The following DLC1 variants were observed in gnomAD, a reference collection of about 807,000 sequenced individuals.
The protein encoded by DLC1 is DLC1 Rho GTPase activating protein, also known as rho GTPase-activating protein 7.
Under a neutral mutation model 140.3 loss-of-function variants are expected in DLC1, and 54 were observed. That is an observed-to-expected ratio of 0.38 (90% CI 0.31 to 0.48). The LOEUF is 0.48. Ranked by LOEUF, DLC1 falls within the 20% of genes least tolerant of loss-of-function variation. The pLI, the probability that DLC1 is intolerant of heterozygous loss-of-function variation, is 0.96. For missense variants in DLC1, 2,536 were observed against 1,907.0 expected (o/e 1.33, Z -6.14); for synonymous variants, 986 against 728.1 (o/e 1.35, Z -5.70).
intron 5 of DLC1, among the ~76,000 whole-genome samples, chr8:13,283,909 G>C (rs1467494384): frequency 3.9e-5 from 6 of 152,186 alleles, no homozygotes; most frequent in Non-Finnish European, 7.3e-5. Flanking sequence ...GCAGAACAAA[G>C]AGTGAGATCT....
At chr8:13,128,708 T>A (rs1485155448) in intron 5 of DLC1, among the ~76,000 whole-genome samples, 1 of 151,860 alleles carries the variant, frequency 6.6e-6, no homozygotes, top group Non-Finnish European at 1.5e-5. Flanking sequence ...TGGCGGCGCC[T>A]ACTGTAGTCC....
chr8:13,348,106 CAAAT>C (rs71207144), intron 4 of DLC1, among the ~76,000 whole-genome samples: 81,836 of 151,298 alleles, frequency 0.54, 22,285 homozygotes, highest in Admixed American at 0.62. Context: ...AACAAACAAA[CAAAT>C]AAACAAACAA....
Position 13,099,752 on chromosome 8 carries a change from T to C in DLC1, c.2585A>G (p.Glu862Gly). 1 of 1,614,160 alleles carries C rather than the reference T, an allele frequency of 6.2e-7. No homozygotes were observed. Among genetic ancestry groups the C allele is most frequent in the Non-Finnish European group, 8.5e-7 (1 of 1,180,030 alleles). ...GCTGGAAGAATTGCGTCTCTTCAGT[T>C]CCTTGGGGCTGTCGCTACTGTTTTC... ...RRENSSDSPKELKRRNSSSSM... is the reference protein window; with the variant it reads ...RRENSSDSPKGLKRRNSSSSM... Residue 862 changes from glutamate (E) to glycine (G), a missense_variant, in exon 9 of 18, where the codon GAA becomes GGA. Transcript: ENST00000276297.
intron 10 of DLC1, among the ~76,000 whole-genome samples, chr8:13,097,448 G>C (rs1351779001): frequency 6.6e-6 from 1 of 152,004 alleles, no homozygotes; most frequent in Non-Finnish European, 1.5e-5. Context: ...ATTTTTAGTA[G>C]AGATGGGGTT....
At chr8:13,449,427 C>A (rs1003400633) in intron 2 of DLC1, among the ~76,000 whole-genome samples, 1 of 152,048 alleles carries the variant, frequency 6.6e-6, no homozygotes, top group African/African-American at 2.4e-5. Flanking sequence ...TTGTTTTAAC[C>A]CAGAAAGTGC....
intron 2 of DLC1, among the ~76,000 whole-genome samples, chr8:13,402,354 G>A (rs1837335078): frequency 6.6e-6 from 1 of 152,188 alleles, no homozygotes; most frequent in African/African-American, 2.4e-5. Context: ...ACTTGGGCAT[G>A]ACTCAACCAT....
intron 1 of DLC1, among the ~76,000 whole-genome samples, chr8:13,591,411 C>A (rs1296284166): frequency 2.6e-5 from 4 of 152,108 alleles, no homozygotes; most frequent in African/African-American, 4.8e-5. Flanking sequence ...TTACAAGCAT[C>A]TGGCATTTCC....
intron 2 of DLC1, among the ~76,000 whole-genome samples, chr8:13,475,386 T>G (rs557297574): frequency 6.6e-6 from 1 of 152,332 alleles, no homozygotes; most frequent in East Asian, 1.9e-4. Flanking sequence ...CTTCTGATTT[T>G]GAGGGCCCAG....
intron 5 of DLC1, among the ~76,000 whole-genome samples, chr8:13,196,129 C>T (rs1321511582): frequency 4.7e-5 from 7 of 149,902 alleles, no homozygotes; most frequent in African/African-American, 7.3e-5. Flanking sequence ...CACACACACA[C>T]GTGAACTCGA....
intron 5 of DLC1, among the ~76,000 whole-genome samples, chr8:13,122,583 A>G (rs1042707878): frequency 6.6e-6 from 1 of 152,216 alleles, no homozygotes; most frequent in African/African-American, 2.4e-5. Context: ...TTAAAAAACA[A>G]CCAACTGTTA....
chr8:13,604,448 C>G (rs940648940), intron 1 of DLC1: 5 of 152,114 alleles, frequency 3.3e-5, no homozygotes, highest in African/African-American at 1.2e-4. Flanking sequence ...TTTAGAAAGA[C>G]TTTAACATGC....
chr8:13,102,041 G>A (rs542967395), intron 8 of DLC1, among the ~76,000 whole-genome samples: 1 of 152,242 alleles, frequency 6.6e-6, no homozygotes, highest in Admixed American at 6.5e-5. Flanking sequence ...CAGTTCATTT[G>A]TTTAAAAGCT....
chr8:13,104,379 G>C (rs1345091261), intron 7 of DLC1, among the ~76,000 whole-genome samples: 1 of 148,428 alleles, frequency 6.7e-6, no homozygotes, highest in African/African-American at 2.4e-5. Context: ...AAACCTCATG[G>C]AGAAATAATG....
intron 4 of DLC1, among the ~76,000 whole-genome samples, chr8:13,311,241 C>CTTTT (rs1832653728): frequency 6.6e-6 from 1 of 152,128 alleles, no homozygotes; most frequent in Non-Finnish European, 1.5e-5. Context: ...TACTACAGGG[C>CTTTT]TTTTTGTGGC....
intron 2 of DLC1, among the ~76,000 whole-genome samples, chr8:13,466,278 G>A (rs180719712): frequency 5.9e-5 from 9 of 152,160 alleles, no homozygotes; most frequent in Admixed American, 1.3e-4. Flanking sequence ...TGTTCTGGAC[G>A]CAATACCCCC....
intron 5 of DLC1, among the ~76,000 whole-genome samples, chr8:13,197,755 G>T (rs1442536114): frequency 6.6e-6 from 1 of 152,030 alleles, no homozygotes; most frequent in African/African-American, 2.4e-5. Context: ...AGAAGGATTT[G>T]GCATAAAAAA....
chr8:13,599,968 A>G (rs1267472209), intron 1 of DLC1, among the ~76,000 whole-genome samples: 2 of 151,964 alleles, frequency 1.3e-5, no homozygotes, highest in African/African-American at 4.8e-5. Context: ...TAGCATCTTC[A>G]CCACCTTCAC....
At chr8:13,166,015 A>G (rs763743461) in intron 5 of DLC1, among the ~76,000 whole-genome samples, 3 of 152,176 alleles carry the variant, frequency 2.0e-5, no homozygotes, top group Non-Finnish European at 4.4e-5. Flanking sequence ...GGGACTGGAA[A>G]GAGGTTGTAT....
intron 1 of DLC1, among the ~76,000 whole-genome samples, chr8:13,523,544 A>C (rs1040709041): frequency 6.6e-6 from 1 of 152,184 alleles, no homozygotes; most frequent in African/African-American, 2.4e-5. Context: ...TACATTTGGG[A>C]ATCTCAAACG....
Sources: allele counts gnomAD v4.1 joint callset (sites outside exome capture counted in the v4.1 genomes callset), GRCh38; gene constraint gnomAD v4.1.1; transcripts MANE v1.5; gene names NCBI Gene and HGNC (gene_info 2026-07-23, HGNC 2026-07-21).